Variants in RBFOX1 observed in about 807,000 individuals in gnomAD.
RBFOX1 encodes the protein RNA binding fox-1 homolog 1.
RBFOX1 carries 8 observed loss-of-function variants against 57.7 expected under a neutral mutation model. The ratio of observed to expected loss-of-function variants is 0.14; its 90% confidence interval spans 0.08 to 0.25. RBFOX1 has a LOEUF of 0.25. Ranked by LOEUF, RBFOX1 falls within the 10% of genes least tolerant of loss-of-function variation. RBFOX1 has a pLI of 1.00. For synonymous variants in RBFOX1, 326 were observed against 222.4 expected (o/e 1.47, Z -4.15); for missense variants, 611 against 548.5 (o/e 1.11, Z -1.14).
chr16:7,167,991 A>C (rs997327227), intron 4 of RBFOX1, among the ~76,000 whole-genome samples: 1 of 152,166 alleles, frequency 6.6e-6, no homozygotes, highest in Non-Finnish European at 1.5e-5. Context: ...CACACAAGGT[A>C]AGGATTTTTT....
At chr16:6,437,175 G>A (rs577608834) in intron 2 of RBFOX1, among the ~76,000 whole-genome samples, 42 of 152,316 alleles carry the variant, frequency 2.8e-4, no homozygotes, top group Non-Finnish European at 4.0e-4. Context: ...CAGCATGTCA[G>A]TGAACGAAGG....
intron 3 of RBFOX1, among the ~76,000 whole-genome samples, chr16:6,826,870 T>C (rs2092214675): frequency 6.6e-6 from 1 of 152,222 alleles, no homozygotes; most frequent in Non-Finnish European, 1.5e-5. Context: ...TGGATGTGTT[T>C]CCGTATGATG....
chr16:6,900,173 T>C (rs1010036454), intron 3 of RBFOX1, among the ~76,000 whole-genome samples: 5 of 152,240 alleles, frequency 3.3e-5, no homozygotes, highest in Admixed American at 1.3e-4. Flanking sequence ...TTCATGTTCT[T>C]ATGCTGAGCC....
chr16:5,483,477 C>T (rs561622539), intron 2 of RBFOX1, among the ~76,000 whole-genome samples: 19 of 152,270 alleles, frequency 1.2e-4, no homozygotes, highest in Non-Finnish European at 2.4e-4. Flanking sequence ...AAGCTCCTTC[C>T]GGATCTAATT....
intron 3 of RBFOX1, among the ~76,000 whole-genome samples, chr16:6,977,570 C>G (rs545788479): frequency 1.3e-5 from 2 of 152,200 alleles, no homozygotes; most frequent in East Asian, 1.9e-4. Flanking sequence ...GGACACACGT[C>G]TGTGGTTCCT....
rs193228266 is a variant in RBFOX1 at position 5,593,696 on chromosome 16, C to G, written c.259-5206C>G. Among the ~76,000 whole-genome samples, 599 of 152,246 alleles carry G rather than the reference C, an allele frequency of 3.9e-3. 5 individuals carry two copies. The highest frequency in any genetic ancestry group is 6.8e-3 in the Non-Finnish European group (461 of 68,004). ...AAGAAGAGGCATGAATAATCCATCC[C>G]TTGTTTTGCGTATCAAGAAATAACC... On this transcript the variant is annotated intron_variant, in intron 2 of 2. Transcript: ENST00000585867.
chr16:5,819,011 C>G (rs1394302196), intron 3 of RBFOX1, among the ~76,000 whole-genome samples: 1 of 152,186 alleles, frequency 6.6e-6, no homozygotes, highest in Non-Finnish European at 1.5e-5. Flanking sequence ...CTCCTCTGCT[C>G]CATTTCCCCC....
At chr16:5,937,777 T>A (rs151053488) in intron 4 of RBFOX1, among the ~76,000 whole-genome samples, 1,649 of 149,238 alleles carry the variant, frequency 0.011, 36 homozygotes, top group African/African-American at 0.038. Flanking sequence ...ATGTATATAA[T>A]GTATATATAA....
At chr16:6,410,804 A>T (rs562074935) in intron 2 of RBFOX1, among the ~76,000 whole-genome samples, 1 of 152,178 alleles carries the variant, frequency 6.6e-6, no homozygotes, top group Non-Finnish European at 1.5e-5. Flanking sequence ...GTTGGAGTGG[A>T]AACAAACCTA....
At chr16:7,217,144 G>A (rs113688215) in intron 4 of RBFOX1, among the ~76,000 whole-genome samples, 55,672 of 146,316 alleles carry the variant, frequency 0.38, 11,296 homozygotes, top group East Asian at 0.66. Flanking sequence ...TTGCTCTGTC[G>A]CTCAGGGTGG....
intron 1 of RBFOX1, among the ~76,000 whole-genome samples, chr16:5,416,720 G>GTATC: frequency 6.7e-6 from 1 of 150,220 alleles, no homozygotes. Context: ...GATTTTCTCT[G>GTATC]TATCTCCTCT....
chr16:7,249,230 T>G (rs2094423371), intron 4 of RBFOX1, among the ~76,000 whole-genome samples: 1 of 152,216 alleles, frequency 6.6e-6, no homozygotes, highest in Non-Finnish European at 1.5e-5. Flanking sequence ...GTGGGTTTGT[T>G]TCCATTCCCC....
chr16:5,339,614 G>A (rs1444969612), intron 1 of RBFOX1, among the ~76,000 whole-genome samples: 1 of 150,984 alleles, frequency 6.6e-6, no homozygotes, highest in Non-Finnish European at 1.5e-5. Context: ...TCCTGAGGAG[G>A]ATTACAGGTA....
intron 4 of RBFOX1, among the ~76,000 whole-genome samples, chr16:7,196,214 A>C (rs1022639854): frequency 1.3e-5 from 2 of 152,186 alleles, no homozygotes; most frequent in Non-Finnish European, 2.9e-5. Flanking sequence ...GAATGGTAAT[A>C]ATGATTCCGT....
intron 4 of RBFOX1, among the ~76,000 whole-genome samples, chr16:7,110,692 C>A (rs1260307961): frequency 6.6e-6 from 1 of 152,060 alleles, no homozygotes; most frequent in Non-Finnish European, 1.5e-5. Flanking sequence ...AGGCAGGAGT[C>A]AACAAAATAC....
At chr16:5,670,644 C>A (rs2049988757) in intron 3 of RBFOX1, among the ~76,000 whole-genome samples, 1 of 152,180 alleles carries the variant, frequency 6.6e-6, no homozygotes, top group Admixed American at 6.5e-5. Flanking sequence ...ACATTTCTTG[C>A]CTTTTTACTC....
intron 1 of RBFOX1, among the ~76,000 whole-genome samples, chr16:6,210,727 C>G (rs1484620086): frequency 6.9e-6 from 1 of 144,210 alleles, no homozygotes; most frequent in Non-Finnish European, 1.5e-5. Context: ...TCCCTCTCAA[C>G]AAAAAAAAAG....
At chr16:6,034,049 C>T (rs376909943) in intron 1 of RBFOX1, among the ~76,000 whole-genome samples, 2 of 152,030 alleles carry the variant, frequency 1.3e-5, no homozygotes, top group South Asian at 2.1e-4. Flanking sequence ...GAATAGGAAT[C>T]GTTGGCCAGG....
At chr16:7,083,450 G>C (rs879683032) in intron 4 of RBFOX1, among the ~76,000 whole-genome samples, 1 of 151,954 alleles carries the variant, frequency 6.6e-6, no homozygotes, top group African/African-American at 2.4e-5. Context: ...AGAAGCTTAA[G>C]ATTAAATATA....
Sources: gnomAD v4.1 joint callset for allele counts (sites outside exome capture counted in the v4.1 genomes callset) on GRCh38, gnomAD v4.1.1 for gene constraint, MANE v1.5 for transcripts, NCBI Gene and HGNC (gene_info 2026-07-23, HGNC 2026-07-21) for gene names.